PTN: variants seen among roughly 807,000 people sequenced by gnomAD.
PTN encodes heparin affin regulatory protein.
Under a neutral mutation model 24.1 loss-of-function variants are expected in PTN, and 18 were observed. That is an observed-to-expected ratio of 0.75 (90% CI 0.52 to 1.11). The LOEUF is 1.11. PTN is among the 50% of genes least tolerant of loss of function. PTN has a pLI of 0.00. For synonymous variants in PTN, 78 were observed against 68.6 expected, an observed-to-expected ratio of 1.14 and a Z score of -0.67; for missense variants, 163 against 198.8, an observed-to-expected ratio of 0.82 and a Z score of 1.08.
chr7:137,309,930 C>T (rs533346316), intron 1 of PTN, among the ~76,000 whole-genome samples: 1 of 152,324 alleles, frequency 6.6e-6, no homozygotes, highest in African/African-American at 2.4e-5. Flanking sequence ...TTTTTAATGG[C>T]ATCTAGAATG....
chr7:137,303,387 C>T (rs900386512), intron 1 of PTN, among the ~76,000 whole-genome samples: 2 of 151,808 alleles, frequency 1.3e-5, no homozygotes, highest in Non-Finnish European at 2.9e-5. Context: ...ATAATGGAGT[C>T]CTTTCCCACA....
At chr7:137,326,680 C>A (rs913149350) in intron 1 of PTN, 1 of 152,188 alleles carries the variant, frequency 6.6e-6, no homozygotes. Context: ...TCTTTAAACA[C>A]AAGTTAGGAG....
intron 1 of PTN, among the ~76,000 whole-genome samples, chr7:137,332,185 A>C (rs10241448): frequency 0.39 from 58,789 of 152,020 alleles, 11,647 homozygotes; most frequent in South Asian, 0.47. Flanking sequence ...TACGCATCTA[A>C]CTATTTTTAA....
intron 1 of PTN, among the ~76,000 whole-genome samples, chr7:137,321,156 A>C (rs546499176): frequency 6.6e-6 from 1 of 152,274 alleles, no homozygotes; most frequent in Non-Finnish European, 1.5e-5. Flanking sequence ...TGAATTATAT[A>C]ACACATGTGC....
chr7:137,268,306 G>A (rs1809199182), intron 1 of PTN, among the ~76,000 whole-genome samples: 1 of 152,190 alleles, frequency 6.6e-6, no homozygotes, highest in Admixed American at 6.5e-5. Context: ...GAAGCTGCCT[G>A]GACCGTCCAT....
rs562089353 is a variant in PTN at position 137,229,885 on chromosome 7, C to T, written c.452-1810G>A. Among the ~76,000 whole-genome samples, 4 of 151,674 alleles carry T rather than the reference C, an allele frequency of 2.6e-5. 1 individual carries two copies. Among genetic ancestry groups the T allele is most frequent in the African/African-American group, 9.7e-5 (4 of 41,438 alleles). The stretch of plus-strand genomic sequence containing the variant: ...TCAGTGTCTGAAAATGTAATAATTC[C>T]CAATTTTTGGTCAACATTTTAGGCA... On this transcript the variant is annotated intron_variant, in intron 4 of 4. Transcript: ENST00000348225.
chr7:137,293,907 A>G (rs1809679296), intron 1 of PTN, among the ~76,000 whole-genome samples: 1 of 152,138 alleles, frequency 6.6e-6, no homozygotes, highest in Non-Finnish European at 1.5e-5. Flanking sequence ...ACTGCCCTAA[A>G]GACTGTCTGT....
chr7:137,239,524 A>G (rs543812432), intron 4 of PTN, among the ~76,000 whole-genome samples: 1 of 151,896 alleles, frequency 6.6e-6, no homozygotes, highest in Non-Finnish European at 1.5e-5. Flanking sequence ...AGCATTAGGT[A>G]TATCTCCCAG....
chr7:137,243,111 A>G (rs1053476131), intron 4 of PTN, among the ~76,000 whole-genome samples: 1 of 152,012 alleles, frequency 6.6e-6, no homozygotes, highest in Admixed American at 6.5e-5. Context: ...TAATTTTTGT[A>G]TTTTTATTAG....
At chr7:137,253,376 A>G (rs1808862235) in intron 3 of PTN, 88 bp downstream of exon 3, 1 of 1,344,084 alleles carries the variant, frequency 7.4e-7, no homozygotes, top group Non-Finnish European at 1.0e-6. Context: ...ATTTAAAATA[A>G]AAAGTACTTA....
In PTN at chr7:137,254,867, T is replaced by C; in HGVS notation, c.107A>G (p.Glu36Gly). 2 of 1,553,804 alleles carry C rather than the reference T, an allele frequency of 1.3e-6. No homozygotes were observed. Among genetic ancestry groups the C allele is most frequent in the Non-Finnish European group, 1.8e-6 (2 of 1,136,236 alleles). The change falls in exon 2 of 5, where the codon GAG (glutamate) becomes GGG (glycine). Residue 36 changes from glutamate (E) to glycine (G), a missense_variant. Coordinates refer to ENST00000348225, the MANE Select transcript of PTN (RefSeq NM_002825.7). Reference protein sequence around the residue: ...AVDTAEAGKKEKPEKKVKKSD... With the variant: ...AVDTAEAGKKGKPEKKVKKSD... Reference sequence around the variant, plus strand: ...AGAACCCTACTGCTTACCTGGTTTCTCTTTCTTCCCTGCTTCAGCAGTATC... The same window carrying C: ...AGAACCCTACTGCTTACCTGGTTTCCCTTTCTTCCCTGCTTCAGCAGTATC...
chr7:137,257,206 C>G (rs541653470), intron 1 of PTN, among the ~76,000 whole-genome samples: 127 of 152,330 alleles, frequency 8.3e-4, no homozygotes, highest in African/African-American at 2.8e-3. Flanking sequence ...TACTCACCAT[C>G]TCCAGCACTT....
intron 4 of PTN, among the ~76,000 whole-genome samples, chr7:137,230,321 T>C (rs1808405733): frequency 6.6e-6 from 1 of 151,850 alleles, no homozygotes; most frequent in Non-Finnish European, 1.5e-5. Flanking sequence ...TGGTGTCTTA[T>C]TCCTTAATTG....
chr7:137,250,672 G>A (rs1211145474), intron 4 of PTN, among the ~76,000 whole-genome samples: 1 of 152,140 alleles, frequency 6.6e-6, no homozygotes, highest in Non-Finnish European at 1.5e-5. Flanking sequence ...TGACTTTCTG[G>A]GAGATACAGA....
chr7:137,228,364 G>T (rs1808370491), intron 4 of PTN, among the ~76,000 whole-genome samples: 1 of 151,720 alleles, frequency 6.6e-6, no homozygotes, highest in African/African-American at 2.4e-5. Flanking sequence ...TTATCTTACT[G>T]GTTGCCTTTG....
At chr7:137,244,435 G>A (rs1290994011) in intron 4 of PTN, among the ~76,000 whole-genome samples, 1 of 143,160 alleles carries the variant, frequency 7.0e-6, no homozygotes, top group Non-Finnish European at 1.5e-5. Flanking sequence ...CAACGTGCAG[G>A]TTTGTTACGT....
chr7:137,280,871 C>CAAAA (rs545644934), intron 1 of PTN, among the ~76,000 whole-genome samples: 1 of 65,730 alleles, frequency 1.5e-5, no homozygotes, highest in Non-Finnish European at 3.2e-5. Flanking sequence ...GACTTTGTCT[C>CAAAA]AAAAAAAAAA....
chr7:137,263,986 C>G (rs909333354), intron 1 of PTN, among the ~76,000 whole-genome samples: 1 of 152,148 alleles, frequency 6.6e-6, no homozygotes, highest in Admixed American at 6.5e-5. Flanking sequence ...AGTTTTTGTC[C>G]TAAGCAACTA....
Position 137,244,372 on chromosome 7 carries a change from GAATT to G in PTN, c.451+6854_451+6857del, listed in dbSNP as rs1166634457. Among the ~76,000 whole-genome samples, 12 of 141,976 alleles carry G rather than the reference GAATT, an allele frequency of 8.5e-5. No homozygotes were observed. In the Admixed American group the frequency reaches 8.6e-4, roughly 10 times the overall value. 93.1% of individuals were successfully genotyped at this position (141,976 alleles called of 152,430 possible). On this transcript the variant is annotated intron_variant, in intron 4 of 4. Coordinates refer to ENST00000348225, the MANE Select transcript of PTN (RefSeq NM_002825.7). ...AGTGGATAGCTAAAAGGTCTCCTCA[GAATT>G]TTTTTTTTTTTTTTTTTTTTTTACT... is the stretch of plus-strand genomic sequence containing the variant.
Sources: gnomAD v4.1 joint callset for allele counts (sites outside exome capture counted in the v4.1 genomes callset) on GRCh38, gnomAD v4.1.1 for gene constraint, MANE v1.5 for transcripts, NCBI Gene and HGNC (gene_info 2026-07-23, HGNC 2026-07-21) for gene names.